ME3: variants seen among roughly 807,000 people sequenced by gnomAD.
ME3 encodes malic enzyme 3.
A neutral mutation model predicts 68.9 loss-of-function variants in ME3; 48 were observed. The ratio of observed to expected loss-of-function variants is 0.70; its 90% CI spans 0.55 to 0.89. ME3 has a LOEUF of 0.89. ME3 is among the 40% of genes least tolerant of loss of function. The probability of loss-of-function intolerance (pLI) is 0.00; values close to 1 mark genes in which losing one functional copy is unlikely to be tolerated. For missense variants in ME3, 675 were observed against 797.4 expected, an observed-to-expected ratio of 0.85 and a Z score of 1.85; for synonymous variants, 320 against 318.8, an observed-to-expected ratio of 1.00 and a Z score of -0.04.
At chr11:86,671,786 G>A in exon 2 of ME3, 1 of 1,604,272 alleles carries the variant, frequency 6.2e-7, no homozygotes, top group Non-Finnish European at 8.5e-7. Flanking sequence ...GGTTCCTGGT[G>A]ACATCGTATC....
At chr11:86,564,259 A>T (rs1957371181) in intron 2 of ME3, among the ~76,000 whole-genome samples, 1 of 151,952 alleles carries the variant, frequency 6.6e-6, no homozygotes, top group Non-Finnish European at 1.5e-5. Context: ...TTCCCATTTA[A>T]GGTTTGTTTC....
chr11:86,515,314 T>C (rs949463740), intron 4 of ME3, among the ~76,000 whole-genome samples: 19 of 152,200 alleles, frequency 1.2e-4, no homozygotes, highest in African/African-American at 3.4e-4. Context: ...TTTATGTACA[T>C]TGTCATAATG....
At chr11:86,615,217 G>A (rs1942874908) in intron 2 of ME3, among the ~76,000 whole-genome samples, 4 of 152,128 alleles carry the variant, frequency 2.6e-5, no homozygotes, top group Admixed American at 2.6e-4. Flanking sequence ...CACAATTTGA[G>A]AAGCTGTAGC....
rs115169391 is a variant in ME3, at chr11:86,649,932, A to T, written c.183+21830T>A. On this transcript the variant is annotated intron_variant, in intron 2 of 14. Coordinates refer to ENST00000543262, the Ensembl canonical transcript of ME3. The stretch of plus-strand genomic sequence containing the variant: ...TATTCCCATCAAGCTACCATTGACT[A>T]TCTTCACAGAATTAGGAAAAACTAC... 8.8e-3 allele frequency among the ~76,000 whole-genome samples: 1,335 copies of T among 152,274 alleles called. 27 individuals are homozygous for T. The highest frequency in any genetic ancestry group is 0.03 in the African/African-American group (1,248 of 41,556).
At chr11:86,595,216 G>A (rs1959207032) in intron 2 of ME3, among the ~76,000 whole-genome samples, 1 of 143,414 alleles carries the variant, frequency 7.0e-6, no homozygotes, top group Non-Finnish European at 1.5e-5. Context: ...GTAAAAATAT[G>A]TGTTTAATAT....
intron 4 of ME3, among the ~76,000 whole-genome samples, chr11:86,549,056 C>T (rs1956529516): frequency 6.6e-6 from 1 of 152,220 alleles, no homozygotes; most frequent in African/African-American, 2.4e-5. Flanking sequence ...TTTTAACAAG[C>T]CCTCCAGGTG....
At chr11:86,440,602 C>G (rs1948938022), downstream of ME3, among the ~76,000 whole-genome samples, 1 of 152,266 alleles carries the variant, frequency 6.6e-6, no homozygotes, top group South Asian at 2.1e-4. Flanking sequence ...AAAAGAATGT[C>G]TAAGACTCAA....
chr11:86,491,554 G>A (rs1008412841), intron 6 of ME3, among the ~76,000 whole-genome samples: 21 of 152,186 alleles, frequency 1.4e-4, no homozygotes, highest in African/African-American at 4.6e-4. Flanking sequence ...GTAGTGGGCA[G>A]AGCTCCTATG....
intron 2 of ME3, among the ~76,000 whole-genome samples, chr11:86,580,912 C>T (rs750055550): frequency 1.4e-4 from 22 of 152,288 alleles, no homozygotes; most frequent in Non-Finnish European, 2.6e-4. Context: ...GTTTCCTGGT[C>T]GGCCTTATCC....
At chr11:86,598,597 G>A (rs964274530) in intron 2 of ME3, among the ~76,000 whole-genome samples, 17 of 152,188 alleles carry the variant, frequency 1.1e-4, no homozygotes, top group African/African-American at 4.1e-4. Flanking sequence ...GAGGAGAGCA[G>A]TGGTTCTCCC....
Position 86,633,161 on chromosome 11 carries a change from A to G in ME3, c.183+38601T>C, listed in dbSNP as rs144418854. On this transcript the variant is annotated intron_variant, in intron 2 of 14. Transcript: ENST00000543262. The stretch of plus-strand genomic sequence containing the variant: ...TCTGGTCACAGAAACTCATCTCTGT[A>G]AAGTCCAAGGCCACATTACAGTCTC... Among the ~76,000 whole-genome samples, 42 of 152,356 alleles carry G rather than the reference A, an allele frequency of 2.8e-4. 1 individual carries two copies. The East Asian group carries it at 6.7e-3, about 24-fold the overall frequency.
chr11:86,555,682 G>A (rs1365754874), intron 4 of ME3, among the ~76,000 whole-genome samples: 1 of 152,194 alleles, frequency 6.6e-6, no homozygotes, highest in Non-Finnish European at 1.5e-5. Context: ...CAACCGAAAT[G>A]CTGGCTACAA....
At chr11:86,565,147 T>C (rs537704295) in intron 2 of ME3, among the ~76,000 whole-genome samples, 1 of 152,244 alleles carries the variant, frequency 6.6e-6, no homozygotes, top group Admixed American at 6.5e-5. Flanking sequence ...TATGATACAC[T>C]GTACCACTTT....
At chr11:86,525,047 G>A (rs1388949267) in intron 4 of ME3, among the ~76,000 whole-genome samples, 2 of 152,216 alleles carry the variant, frequency 1.3e-5, no homozygotes, top group African/African-American at 4.8e-5. Context: ...ATAAGTTCCA[G>A]TGAGACCCAC....
At chr11:86,534,575 T>A (rs1446431927) in intron 4 of ME3, among the ~76,000 whole-genome samples, 4 of 152,100 alleles carry the variant, frequency 2.6e-5, no homozygotes, top group Non-Finnish European at 5.9e-5. Context: ...CTCGGGAGAC[T>A]GAGGCAGGAG....
At chr11:86,460,723 C>T (rs909608680) in intron 8 of ME3, among the ~76,000 whole-genome samples, 1 of 152,240 alleles carries the variant, frequency 6.6e-6, no homozygotes, top group African/African-American at 2.4e-5. Flanking sequence ...CACTCCCAAC[C>T]CTCTGTGGTT....
Position 86,497,838 on chromosome 11 carries a change from C to T in ME3, c.705+125G>A, listed in dbSNP as rs532962945. ...AACTGTGTAGGGGGAATGCCCTGGT[C>T]GGGAGGATGCCAAGAAAGAAATGGC... On this transcript the variant is annotated intron_variant, in intron 6 of 14. Coordinates refer to ENST00000543262, the Ensembl canonical transcript of ME3. 76 of 1,134,276 alleles carry T rather than the reference C, an allele frequency of 6.7e-5. No homozygotes were observed. In the Middle Eastern group the frequency reaches 8.9e-4, roughly 13 times the overall value. 70.3% of individuals were successfully genotyped at this position (1,134,276 alleles called of 1,614,324 possible). A position where few individuals can be genotyped will look rare whatever the true frequency, so the allele number is the denominator to read the frequency against.
At chr11:86,462,766 G>A (rs79483040) in intron 8 of ME3, 35,720 of 466,914 alleles carry the variant, frequency 0.077, 1,574 homozygotes, top group South Asian at 0.1. Flanking sequence ...CAGGCTTTTG[G>A]GGTACAATGA....
chr11:86,668,292 T>C (rs991554243), intron 2 of ME3: 2 of 151,850 alleles, frequency 1.3e-5, no homozygotes, highest in African/African-American at 4.8e-5. Context: ...CAAAAACTTT[T>C]TGTTACTACA....
Sources: gnomAD v4.1 joint callset for allele counts (sites outside exome capture counted in the v4.1 genomes callset) on GRCh38, gnomAD v4.1.1 for gene constraint, MANE v1.5 for transcripts, NCBI Gene and HGNC (gene_info 2026-07-23, HGNC 2026-07-21) for gene names.